Variants in LRP1B observed in about 807,000 individuals in gnomAD.
LRP1B encodes the protein low-density lipoprotein receptor-related protein 1B.
A neutral mutation model predicts 556.6 loss-of-function variants in LRP1B; 217 were observed. The observed-to-expected ratio is 0.39, with a 90% confidence interval of 0.35 to 0.44. LRP1B has a LOEUF of 0.44. Ranked by LOEUF, LRP1B falls within the 20% of genes least tolerant of loss-of-function variation. The pLI, the probability that LRP1B is intolerant of heterozygous loss-of-function variation, is 1.00. For missense variants in LRP1B, 5,053 were observed against 5,620.8 expected, an observed-to-expected ratio of 0.90 and a Z score of 3.23; for synonymous variants, 2,047 against 1,865.8, an observed-to-expected ratio of 1.10 and a Z score of -2.50.
At chr2:141,470,212 A>C (rs1682408875) in intron 3 of LRP1B, among the ~76,000 whole-genome samples, 1 of 152,192 alleles carries the variant, frequency 6.6e-6, no homozygotes, top group Admixed American at 6.5e-5. Context: ...AAATTTCTAA[A>C]GTTTTTTAAC....
In LRP1B at chr2:140,545,139, G is replaced by GTTT. The variant is rs35863628; in HGVS notation, c.7195-3171_7195-3169dup. 4.3e-4 allele frequency among the ~76,000 whole-genome samples: 62 copies of GTTT among 143,510 alleles called. 1 individual carries two copies. Among genetic ancestry groups the GTTT allele is most frequent in the African/African-American group, 1.4e-3 (55 of 39,332 alleles). 94.1% of individuals were successfully genotyped at this position (143,510 alleles called of 152,430 possible). ...ATGTCCTTTGCCCACATTTTTATGA[G>GTTT]TTTTTTTTTTTTGTAAATTTAAGTT... On this transcript the variant is annotated intron_variant, in intron 43 of 90. Transcript: ENST00000389484.
At chr2:141,247,953 A>T (rs1294368778) in intron 4 of LRP1B, among the ~76,000 whole-genome samples, 1 of 152,154 alleles carries the variant, frequency 6.6e-6, no homozygotes, top group African/African-American at 2.4e-5. Context: ...CATGCCTGTA[A>T]TCCCAGCACT....
chr2:141,842,513 T>C (rs1409624898), intron 1 of LRP1B, among the ~76,000 whole-genome samples: 2 of 152,134 alleles, frequency 1.3e-5, no homozygotes, highest in African/African-American at 2.4e-5. Flanking sequence ...CTGCTTTACA[T>C]GGTAATTTTG....
intron 3 of LRP1B, among the ~76,000 whole-genome samples, chr2:141,296,412 G>A (rs1686185253): frequency 1.3e-5 from 2 of 152,222 alleles, no homozygotes; most frequent in Admixed American, 6.5e-5. Flanking sequence ...ATGTACATAG[G>A]TCACAGACAT....
At chr2:141,425,234 A>G (rs952863405) in intron 3 of LRP1B, among the ~76,000 whole-genome samples, 7 of 151,692 alleles carry the variant, frequency 4.6e-5, no homozygotes, top group Admixed American at 2.0e-4. Context: ...CCATGTCCCT[A>G]CAAAGGACAT....
At chr2:141,712,836 A>ATTTTTTTTTTTTTTTTT in intron 2 of LRP1B, among the ~76,000 whole-genome samples, 1 of 103,364 alleles carries the variant, frequency 9.7e-6, no homozygotes, top group Non-Finnish European at 1.9e-5. Context: ...TGCCCAGCTA[A>ATTTTTTTTTTTTTTTTT]TTTTTTTTTT....
At chr2:140,851,897 AC>A in intron 27 of LRP1B, 114 bp from the exon 28 acceptor site, 1 of 802,928 alleles carries the variant, frequency 1.2e-6, no homozygotes, top group Non-Finnish European at 1.9e-6. Context: ...CCTACATAGA[AC>A]CCATTAGTAG....
chr2:141,961,474 C>T (rs1701402712), intron 1 of LRP1B, among the ~76,000 whole-genome samples: 1 of 151,596 alleles, frequency 6.6e-6, no homozygotes, highest in Non-Finnish European at 1.5e-5. Context: ...ACAACCTGAT[C>T]CTTGGTATCT....
chr2:141,097,169 C>T lies in LRP1B; in HGVS notation c.1014-34896G>A, dbSNP rs182986821. 1.4e-4 allele frequency among the ~76,000 whole-genome samples: 22 copies of T among 152,188 alleles called. No individual in the cohort carries two copies. In the East Asian group the frequency reaches 3.9e-3, roughly 27 times the overall value. ...TTGATTTTTTAATTTTACATGATTA[C>T]AGAGTTAATCATTGAATTCTGCTCA... On this transcript the variant is annotated intron_variant, in intron 7 of 90. Coordinates refer to ENST00000389484, the MANE Select transcript of LRP1B (RefSeq NM_018557.3).
chr2:141,121,583 C>A (rs1029928655), intron 7 of LRP1B, among the ~76,000 whole-genome samples: 3 of 151,880 alleles, frequency 2.0e-5, no homozygotes, highest in African/African-American at 7.3e-5. Flanking sequence ...CAAACCACTG[C>A]TCAAGGAAAT....
chr2:141,780,078 A>C lies in LRP1B; in HGVS notation c.205+30201T>G, dbSNP rs530681830. Among the ~76,000 whole-genome samples, 4 of 150,776 alleles carry C rather than the reference A, an allele frequency of 2.7e-5. No individual in the cohort carries two copies. In the South Asian group the frequency reaches 8.5e-4, roughly 32 times the overall value. ...CATACTAGATAATTTGCATATAAAC[A>C]AAAGAACAAGTGGATTTCCAAATGC... On this transcript the variant is annotated intron_variant, in intron 2 of 90. Coordinates refer to ENST00000389484, the MANE Select transcript of LRP1B (RefSeq NM_018557.3).
intron 1 of LRP1B, among the ~76,000 whole-genome samples, chr2:141,995,867 C>T (rs920670738): frequency 6.6e-6 from 1 of 152,006 alleles, no homozygotes; most frequent in Admixed American, 6.6e-5. Context: ...TGGGGAAATT[C>T]ACAAAAATGC....
intron 2 of LRP1B, among the ~76,000 whole-genome samples, chr2:141,667,592 A>C (rs569116979): frequency 6.6e-6 from 1 of 152,330 alleles, no homozygotes; most frequent in South Asian, 2.1e-4. Flanking sequence ...TTATAAAAGG[A>C]AATAAAGCTT....
At position 141,894,651 on chromosome 2, in the gene LRP1B, ATCT is replaced by A. The variant is rs1176048123; in HGVS notation, c.83-84253_83-84251del. The stretch of plus-strand genomic sequence containing the variant: ...ATAGAATATTTAGATCTAGATCTAG[ATCT>A]AGATCTAGATCTAGATCTAGATCTA... On this transcript the variant is annotated intron_variant, in intron 1 of 90. Transcript: ENST00000389484. 1.4e-3 allele frequency among the ~76,000 whole-genome samples: 3 copies of A among 2,192 alleles called. No homozygotes were observed. The East Asian group carries it at 0.15, about 110-fold the overall frequency. 1.4% of individuals were successfully genotyped at this position (2,192 alleles called of 152,430 possible).
At chr2:140,797,207 C>T (rs1690347422) in intron 32 of LRP1B, among the ~76,000 whole-genome samples, 1 of 151,934 alleles carries the variant, frequency 6.6e-6, no homozygotes, top group Non-Finnish European at 1.5e-5. Flanking sequence ...TATATGATCT[C>T]AGAAAACTGG....
chr2:140,889,379 T>C (rs1172718849), intron 23 of LRP1B, among the ~76,000 whole-genome samples: 1 of 152,222 alleles, frequency 6.6e-6, no homozygotes, highest in African/African-American at 2.4e-5. Context: ...CATTGAAACC[T>C]CTGCCTCCCA....
chr2:140,262,947 T>A (rs1682015970), intron 86 of LRP1B, among the ~76,000 whole-genome samples: 1 of 152,190 alleles, frequency 6.6e-6, no homozygotes. Flanking sequence ...GTTTGTTTTC[T>A]TTTTGAGACA....
chr2:140,505,625 T>A (rs573209450), intron 53 of LRP1B, among the ~76,000 whole-genome samples: 1 of 152,360 alleles, frequency 6.6e-6, no homozygotes, highest in Admixed American at 6.5e-5. Flanking sequence ...CAATCAGATA[T>A]AACTCTGCTT....
chr2:141,861,143 TC>T (rs1310284203), intron 1 of LRP1B, among the ~76,000 whole-genome samples: 4 of 152,170 alleles, frequency 2.6e-5, no homozygotes, highest in Non-Finnish European at 5.9e-5. Flanking sequence ...TCCTTCAAAT[TC>T]CTAAATGTAG....
Sources: allele counts gnomAD v4.1 joint callset (sites outside exome capture counted in the v4.1 genomes callset), GRCh38; gene constraint gnomAD v4.1.1; transcripts MANE v1.5; gene names NCBI Gene and HGNC (gene_info 2026-07-23, HGNC 2026-07-21).